Variants in NEURL1 observed in about 807,000 individuals in gnomAD.
The protein encoded by NEURL1 is neuralized E3 ubiquitin protein ligase 1.
Under a neutral mutation model 41.2 loss-of-function variants are expected in NEURL1, and 26 were observed. The observed-to-expected ratio is 0.63, with a 90% CI of 0.46 to 0.87. The LOEUF (loss-of-function observed/expected upper bound fraction) is 0.87, where lower values mean the gene tolerates loss of function less well. Among genes scored for constraint, NEURL1 ranks in the 40% least tolerant of loss-of-function variants. The pLI is 0.00. For synonymous variants in NEURL1, 400 were observed against 402.3 expected, an observed-to-expected ratio of 0.99 and a Z score of 0.07; for missense variants, 761 against 871.1, an observed-to-expected ratio of 0.87 and a Z score of 1.59.
At chr10:103,509,017 T>G (rs577169379) in intron 1 of NEURL1, among the ~76,000 whole-genome samples, 1 of 152,154 alleles carries the variant, frequency 6.6e-6, no homozygotes, top group East Asian at 1.9e-4. Flanking sequence ...TCACCTGAGG[T>G]CAGGAGTTCG....
chr10:103,514,742 C>T (rs908734579), intron 1 of NEURL1, among the ~76,000 whole-genome samples: 2 of 152,156 alleles, frequency 1.3e-5, no homozygotes, highest in African/African-American at 4.8e-5. Context: ...GGGGCAGCTA[C>T]TTCAAAACCC....
intron 1 of NEURL1, among the ~76,000 whole-genome samples, chr10:103,540,755 A>C (rs1300301872): frequency 6.6e-6 from 1 of 152,206 alleles, no homozygotes; most frequent in Non-Finnish European, 1.5e-5. Context: ...TTGTGTATAA[A>C]ATGTATTTTT....
chr10:103,514,164 C>T (rs1025808827), intron 1 of NEURL1, among the ~76,000 whole-genome samples: 2 of 151,842 alleles, frequency 1.3e-5, no homozygotes, highest in Non-Finnish European at 2.9e-5. Flanking sequence ...TCTTGGCTCA[C>T]TGCAACCTCC....
rs1431912798 is a variant in NEURL1 at position 103,558,370 on chromosome 10, G to A, written c.86-12502G>A. Reference sequence around the variant, plus strand: ...CTGAGCTTCTGATGTCAACAGATGTGTATCTGTGTTTTAGATCTCTGTGTA... The same window carrying A: ...CTGAGCTTCTGATGTCAACAGATGTATATCTGTGTTTTAGATCTCTGTGTA... On this transcript the variant is annotated intron_variant, in intron 1 of 5. Coordinates refer to ENST00000369780, the MANE Select transcript of NEURL1 (RefSeq NM_004210.5). This position sits in a 1 kb window ranked among gnomAD's most constrained non-coding sequence, Gnocchi z 4.2. 6 of 393,806 alleles carry A rather than the reference G, an allele frequency of 1.5e-5. No individual in the cohort carries two copies. The highest frequency in any genetic ancestry group is 8.7e-5 in the African/African-American group (4 of 45,844). 24.4% of individuals were successfully genotyped at this position (393,806 alleles called of 1,614,324 possible).
chr10:103,520,262 G>C (rs1026156675), intron 1 of NEURL1, among the ~76,000 whole-genome samples: 5 of 152,242 alleles, frequency 3.3e-5, no homozygotes, highest in African/African-American at 9.6e-5. Flanking sequence ...GAGCAATAAA[G>C]CTGTATATTT....
At chr10:103,528,030 G>T (rs1316089907) in intron 1 of NEURL1, among the ~76,000 whole-genome samples, 1 of 152,092 alleles carries the variant, frequency 6.6e-6, no homozygotes, top group Non-Finnish European at 1.5e-5. Flanking sequence ...GACCAGCCTG[G>T]CCAACATGGT....
At chr10:103,552,893 AG>A (rs989865828) in intron 1 of NEURL1, among the ~76,000 whole-genome samples, 6 of 152,328 alleles carry the variant, frequency 3.9e-5, no homozygotes, top group African/African-American at 1.4e-4. Context: ...TGCCAAGAAC[AG>A]GGACTTACTC....
intron 1 of NEURL1, chr10:103,555,228 G>A (rs2035121860): frequency 2.3e-6 from 2 of 865,532 alleles, no homozygotes; most frequent in Non-Finnish European, 2.8e-6. Flanking sequence ...GCGTGGGGGC[G>A]CGTGGGGGCG....
intron 3 of NEURL1, among the ~76,000 whole-genome samples, chr10:103,573,943 C>T (rs558374649): frequency 2.0e-5 from 3 of 152,334 alleles, no homozygotes; most frequent in East Asian, 1.9e-4. Context: ...TACTGAGCAT[C>T]GCAGAGCCTT....
rs1232309861 is a variant in NEURL1 at position 103,584,521 on chromosome 10, G to A, written c.650-15G>A. The A allele has an allele frequency of 6.0e-6, 8 of 1,341,964 alleles. No individual in the cohort carries two copies. The Admixed American group carries it at 1.2e-4, about 20-fold the overall frequency. 83.1% of individuals were successfully genotyped at this position (1,341,964 alleles called of 1,614,324 possible). A position where few individuals can be genotyped will look rare whatever the true frequency, so the allele number is the denominator to read the frequency against. ...CGAGAGCCCTGCGTGACACTGCCCC[G>A]TGTCTCCCGCGCAGATAGCGAGCTG... On this transcript the variant is annotated splice_polypyrimidine_tract_variant and intron_variant, in intron 3 of 5. Coordinates refer to ENST00000369780, the MANE Select transcript of NEURL1 (RefSeq NM_004210.5).
intron 1 of NEURL1, among the ~76,000 whole-genome samples, chr10:103,496,915 T>G (rs1302502314): frequency 6.6e-6 from 1 of 152,098 alleles, no homozygotes; most frequent in East Asian, 1.9e-4. Flanking sequence ...TTTGGAATTG[T>G]GGGGATCTGA....
At chr10:103,573,674 G>A (rs1378894153) in intron 3 of NEURL1, among the ~76,000 whole-genome samples, 3 of 152,182 alleles carry the variant, frequency 2.0e-5, no homozygotes, top group Non-Finnish European at 2.9e-5. Flanking sequence ...TGAAGGCTTT[G>A]ACTTAGCCCA....
At chr10:103,555,558 C>T in intron 1 of NEURL1, 1 of 564,754 alleles carries the variant, frequency 1.8e-6, no homozygotes, top group South Asian at 2.6e-5. Flanking sequence ...GTGGGGGCAC[C>T]TTTTGGTGGT....
In NEURL1 at chr10:103,558,643, G is replaced by A. The variant is rs911089775; in HGVS notation, c.86-12229G>A. On this transcript the variant is annotated intron_variant, in intron 1 of 5. Coordinates refer to ENST00000369780, the MANE Select transcript of NEURL1 (RefSeq NM_004210.5). The surrounding 1 kb of genome is among the most constrained non-coding windows in gnomAD (Gnocchi z 4.2). ...TTCCCATTTGGAAAATGGTTTAAGCGGTTACACGCTTGATCTCTTCCATTC... is the reference window on the plus strand; with the variant it reads ...TTCCCATTTGGAAAATGGTTTAAGCAGTTACACGCTTGATCTCTTCCATTC... 2.0e-5 allele frequency among the ~76,000 whole-genome samples: 3 copies of A among 152,180 alleles called. No homozygotes were observed. The highest frequency in any genetic ancestry group is 2.9e-5 in the Non-Finnish European group (2 of 68,006).
chr10:103,518,478 T>C (rs1165257322), intron 1 of NEURL1, among the ~76,000 whole-genome samples: 3 of 152,188 alleles, frequency 2.0e-5, no homozygotes, highest in African/African-American at 7.2e-5. Context: ...TCTCATGGAA[T>C]TATATTCTTA....
rs538502811 is a variant in NEURL1, at chr10:103,497,068, G to T, written c.85+2596G>T. 2.6e-5 allele frequency among the ~76,000 whole-genome samples: 4 copies of T among 152,266 alleles called. No individual in the cohort carries two copies. The South Asian group carries it at 8.3e-4, about 32-fold the overall frequency. On this transcript the variant is annotated intron_variant, in intron 1 of 5. Coordinates refer to ENST00000369780, the MANE Select transcript of NEURL1 (RefSeq NM_004210.5). Reference sequence around the variant, plus strand: ...AAGGTACCCATGAAGGCCGCCAGTTGTTGGCTCTGTCCTTCACCCAAGGTC... The same window carrying T: ...AAGGTACCCATGAAGGCCGCCAGTTTTTGGCTCTGTCCTTCACCCAAGGTC...
chr10:103,584,610 G>A lies in NEURL1; in HGVS notation c.724G>A (p.Glu242Lys), dbSNP rs947652733. ...TALRRPSLRREADDARLSVSL... is the reference protein window; with the variant it reads ...TALRRPSLRRKADDARLSVSL... ...CCTGCGGCGGCCGTCGCTGCGGCGCGAGGCGGACGACGCGCGCCTCTCGGT... is the reference window on the plus strand; with the variant it reads ...CCTGCGGCGGCCGTCGCTGCGGCGCAAGGCGGACGACGCGCGCCTCTCGGT... Residue 242 changes from glutamate (E) to lysine (K), a missense_variant, in exon 4 of 6, where the codon GAG (glutamate) becomes AAG (lysine). By Grantham distance (56) the Glu-to-Lys change is moderately conservative (BLOSUM62 1). Coordinates refer to ENST00000369780, the MANE Select transcript of NEURL1 (RefSeq NM_004210.5). The A allele has an allele frequency of 2.1e-6, 3 of 1,416,096 alleles. No individual in the cohort carries two copies. Among genetic ancestry groups the A allele is most frequent in the African/African-American group, 3.0e-5 (2 of 66,284 alleles). 87.7% of individuals were successfully genotyped at this position (1,416,096 alleles called of 1,614,324 possible). A position where few individuals can be genotyped will look rare whatever the true frequency, so the allele number is the denominator to read the frequency against.
At chr10:103,568,580 C>T (rs1291320176) in intron 1 of NEURL1, among the ~76,000 whole-genome samples, 1 of 152,122 alleles carries the variant, frequency 6.6e-6, no homozygotes, top group African/African-American at 2.4e-5. Context: ...CTAAATTGCA[C>T]ATGTTTAAAG....
intron 1 of NEURL1, among the ~76,000 whole-genome samples, chr10:103,519,139 C>T (rs748125859): frequency 2.2e-4 from 33 of 151,802 alleles, no homozygotes; most frequent in Non-Finnish European, 4.0e-4. Flanking sequence ...CCCAGCTACT[C>T]GGGAGGCTAA....
Sources: gnomAD v4.1 joint callset for allele counts (sites outside exome capture counted in the v4.1 genomes callset) on GRCh38, gnomAD v4.1.1 for gene constraint, Gnocchi (gnomAD v3.1) non-coding constraint, MANE v1.5 for transcripts, NCBI Gene and HGNC (gene_info 2026-07-23, HGNC 2026-07-21) for gene names.